The following XRCC1 variants were observed in gnomAD, a reference collection of about 807,000 sequenced individuals.
XRCC1 encodes the protein DNA repair protein XRCC1.
Under a neutral mutation model 83.3 loss-of-function variants are expected in XRCC1, and 52 were observed. The observed-to-expected ratio is 0.62, with a 90% CI of 0.50 to 0.79. The LOEUF (loss-of-function observed/expected upper bound fraction) is 0.79, where lower values mean the gene tolerates loss of function less well. XRCC1 is among the 30% of genes least tolerant of loss of function. XRCC1 has a pLI of 0.00. For missense variants in XRCC1, 793 were observed against 823.5 expected (o/e 0.96, Z 0.45); for synonymous variants, 281 against 312.6 (o/e 0.90, Z 1.07).
intron 2 of XRCC1, among the ~76,000 whole-genome samples, chr19:43,567,994 C>A (rs1045379913): frequency 2.2e-4 from 34 of 151,548 alleles, no homozygotes; most frequent in African/African-American, 7.8e-4. Flanking sequence ...CCTGCCTCAG[C>A]CTCCCAGGTA....
chr19:43,556,103 G>T (rs996759767), intron 3 of XRCC1, among the ~76,000 whole-genome samples: 1 of 152,092 alleles, frequency 6.6e-6, no homozygotes, highest in Admixed American at 6.6e-5. Flanking sequence ...GCCCAGGCTG[G>T]TCCTGAACTC....
At chr19:43,570,951 C>G (rs1972801846) in intron 2 of XRCC1, among the ~76,000 whole-genome samples, 1 of 152,170 alleles carries the variant, frequency 6.6e-6, no homozygotes, top group Non-Finnish European at 1.5e-5. Context: ...GGGTCTCTGA[C>G]GTGGAGTAAG....
intron 2 of XRCC1, among the ~76,000 whole-genome samples, chr19:43,574,306 G>A (rs891611548): frequency 5.9e-5 from 9 of 152,128 alleles, no homozygotes; most frequent in Non-Finnish European, 4.4e-5. Context: ...AAACTCCTGG[G>A]CTCATGCAAT....
intron 2 of XRCC1, among the ~76,000 whole-genome samples, chr19:43,571,307 T>A (rs1407735490): frequency 6.6e-6 from 1 of 152,202 alleles, no homozygotes; most frequent in Admixed American, 6.5e-5. Context: ...TAGCTCATGT[T>A]GCTCAAATGT....
chr19:43,552,032 T>A lies in XRCC1; in HGVS notation c.1067A>T (p.Asp356Val), dbSNP rs1400435955. The change falls in exon 9 of 17, where the codon GAC (aspartate) becomes GTC (valine). Residue 356 changes from aspartate (D) to valine (V), a missense_variant. Physicochemically the swap from Asp to Val is radical, Grantham distance 152. Coordinates refer to ENST00000262887, the MANE Select transcript of XRCC1 (RefSeq NM_006297.3). The part of the protein sequence containing the change: ...GAKYRPDWTR[D>V]STHLICAFAN... ...GCAAGCCTACATGAGGTGCGTGCTG[T>A]CCCGGGTCCAGTCTGGCCGATACTT... is the stretch of plus-strand genomic sequence containing the variant. 6.2e-7 allele frequency: 1 copy of A among 1,613,774 alleles called. No individual in the cohort carries two copies. The highest frequency in any genetic ancestry group is 8.5e-7 in the Non-Finnish European group (1 of 1,179,894).
intron 4 of XRCC1, among the ~76,000 whole-genome samples, chr19:43,554,308 T>C (rs148893157): frequency 2.4e-4 from 36 of 152,274 alleles, no homozygotes; most frequent in Non-Finnish European, 4.0e-4. Flanking sequence ...AAAAGTGGTA[T>C]AGCCAGGACG....
At chr19:43,560,395 G>A (rs544686560) in intron 3 of XRCC1, among the ~76,000 whole-genome samples, 13 of 149,452 alleles carry the variant, frequency 8.7e-5, no homozygotes, top group South Asian at 2.1e-4. Context: ...GCGAGACTCC[G>A]TCTCAAAAAA....
chr19:43,575,122 C>A, intron 1 of XRCC1, 120 bp from the exon 2 acceptor site: 1 of 851,684 alleles, frequency 1.2e-6, no homozygotes, highest in Admixed American at 2.1e-5. Context: ...TAAGCTCTCC[C>A]GTTAATCCCC....
At chr19:43,561,684 G>C (rs979912127) in intron 2 of XRCC1, among the ~76,000 whole-genome samples, 1 of 152,220 alleles carries the variant, frequency 6.6e-6, no homozygotes, top group African/African-American at 2.4e-5. Flanking sequence ...GTTGAAAGAA[G>C]AAAAGAGCTA....
At position 43,544,519 on chromosome 19, in the gene XRCC1, T is replaced by G. The variant is rs73043696; in HGVS notation, c.1622-285A>C. 8.0e-3 allele frequency among the ~76,000 whole-genome samples: 1,220 copies of G among 152,200 alleles called. 7 individuals are homozygous for G. Among genetic ancestry groups the G allele is most frequent in the Non-Finnish European group, 0.011 (749 of 67,980 alleles). ...ACTTACCTCTCTCTCTCTCTTTTTTTTTTTTAAGACAAGGACTCACTCTGT... is the reference window on the plus strand; with the variant it reads ...ACTTACCTCTCTCTCTCTCTTTTTTGTTTTTAAGACAAGGACTCACTCTGT... On this transcript the variant is annotated intron_variant, in intron 14 of 16. Transcript: ENST00000262887.
At chr19:43,563,597 T>C (rs1334279514) in intron 2 of XRCC1, among the ~76,000 whole-genome samples, 1 of 152,208 alleles carries the variant, frequency 6.6e-6, no homozygotes, top group East Asian at 1.9e-4. Context: ...GCCTCCCTTC[T>C]GTGCCAAGAA....
intron 2 of XRCC1, among the ~76,000 whole-genome samples, chr19:43,565,950 A>G (rs1395816018): frequency 6.6e-6 from 1 of 151,522 alleles, no homozygotes; most frequent in Non-Finnish European, 1.5e-5. Flanking sequence ...GAGAGAAAAC[A>G]ACAGGCTGGG....
Position 43,575,463 on chromosome 19 carries a change from A to G in XRCC1, c.-5T>C. 3 of 1,612,294 alleles carry G rather than the reference A, an allele frequency of 1.9e-6. No homozygotes were observed. Among genetic ancestry groups the G allele is most frequent in the Non-Finnish European group, 2.5e-6 (3 of 1,178,762 alleles). ...GCGGAGGCGGATCTCCGGCATGTCA[A>G]CGTCGTGGGCTTCGCCTGGCCAGAA... On this transcript the variant is annotated 5_prime_UTR_variant, in exon 1 of 17. Coordinates refer to ENST00000262887, the MANE Select transcript of XRCC1 (RefSeq NM_006297.3).
chr19:43,551,011 G>C (rs1459471207), intron 10 of XRCC1, among the ~76,000 whole-genome samples: 1 of 152,052 alleles, frequency 6.6e-6, no homozygotes, highest in Non-Finnish European at 1.5e-5. Context: ...TGAGATGGGA[G>C]TCTCGCTCTG....
chr19:43,551,467 GA>G, intron 10 of XRCC1, 103 bp downstream of exon 10: 2 of 1,015,212 alleles, frequency 2.0e-6, no homozygotes, highest in South Asian at 2.8e-5. Context: ...TCTGGGCTGG[GA>G]CCACCTGTGT....
In XRCC1 at chr19:43,552,276, C is replaced by G. The variant is rs760436521; in HGVS notation, c.824-1G>C. ...GCTGGGGTACGAGTTGGAGCTGGCA[C>G]TGGAGAAGACAAAGAGTAGATTAGG... On this transcript the variant is annotated splice_acceptor_variant, in intron 8 of 16. Coordinates refer to ENST00000262887, the MANE Select transcript of XRCC1 (RefSeq NM_006297.3). LOFTEE classifies it high-confidence loss of function. 1 of 1,591,090 alleles carries G rather than the reference C, an allele frequency of 6.3e-7. No homozygotes were observed. Among genetic ancestry groups the G allele is most frequent in the African/African-American group, 1.3e-5 (1 of 74,234 alleles).
chr19:43,562,003 G>A (rs928807548), intron 2 of XRCC1, among the ~76,000 whole-genome samples: 5 of 151,946 alleles, frequency 3.3e-5, no homozygotes, highest in South Asian at 2.1e-4. Flanking sequence ...AAATATAGCC[G>A]GGCATGGTGA....
chr19:43,569,121 AT>A (rs1568518765), intron 2 of XRCC1, among the ~76,000 whole-genome samples: 2 of 152,006 alleles, frequency 1.3e-5, no homozygotes, highest in Admixed American at 1.3e-4. Flanking sequence ...AAAAAAGAAA[AT>A]CAAATATAAA....
At chr19:43,575,136 C>A in intron 1 of XRCC1, 134 bp from the exon 2 acceptor site, 1 of 810,404 alleles carries the variant, frequency 1.2e-6, no homozygotes. Context: ...AATCCCCCGA[C>A]ACTCTGCCTG....
Sources: allele counts gnomAD v4.1 joint callset (sites outside exome capture counted in the v4.1 genomes callset), GRCh38; gene constraint gnomAD v4.1.1; transcripts MANE v1.5; gene names NCBI Gene and HGNC (gene_info 2026-07-23, HGNC 2026-07-21).